The following BCR variants were observed in gnomAD, a reference collection of about 807,000 sequenced individuals.
The protein encoded by BCR is BCR activator of RhoGEF and GTPase, also known as breakpoint cluster region protein.
In BCR, 58 loss-of-function variants were observed where a neutral mutation model predicts 138.6. The ratio of observed to expected loss-of-function variants is 0.42; its 90% CI spans 0.34 to 0.52. The LOEUF (loss-of-function observed/expected upper bound fraction) is 0.52. Among genes scored for constraint, BCR ranks in the 20% least tolerant of loss-of-function variants. BCR has a pLI of 0.06. For synonymous variants in BCR, 786 were observed against 730.1 expected (o/e 1.08, Z -1.23); for missense variants, 1,599 against 1,727.2 (o/e 0.93, Z 1.32).
In BCR at chr22:23,229,343, G is replaced by A. The variant is rs979184852; in HGVS notation, c.1280-24456G>A. Among the ~76,000 whole-genome samples the A allele has an allele frequency of 2.6e-4, 39 of 152,148 alleles. 1 individual carries two copies. In the Middle Eastern group the frequency reaches 0.017, roughly 66 times the overall value. On this transcript the variant is annotated intron_variant, in intron 1 of 22. Coordinates refer to ENST00000305877, the MANE Select transcript of BCR (RefSeq NM_004327.4). ...TAATTCAAACATTTGGGTCATCTTG[G>A]GGTTGATGTTAGTTGATTGCCTTTT... is the stretch of plus-strand genomic sequence containing the variant.
chr22:23,249,605 G>C lies in BCR; in HGVS notation c.1280-4194G>C, dbSNP rs146640889. Among the ~76,000 whole-genome samples, 18 of 151,908 alleles carry C rather than the reference G, an allele frequency of 1.2e-4. 1 individual carries two copies. In the East Asian group the frequency reaches 1.9e-3, roughly 16 times the overall value. ...GTCGCTGAAAATAAAATCACGGGTG[G>C]GGGGTGGTGCTTTGTGTACTTAGGG... On this transcript the variant is annotated intron_variant, in intron 1 of 22. Coordinates refer to ENST00000305877, the MANE Select transcript of BCR (RefSeq NM_004327.4).
In BCR at chr22:23,221,165, A is replaced by G. The variant is rs116989910; in HGVS notation, c.1280-32634A>G. On this transcript the variant is annotated intron_variant, in intron 1 of 22. Transcript: ENST00000305877. ...AGTGCATGAGTAATTCATATCCACTATTTGCTCCCTCTTTTACAAATTGGA... is the reference window on the plus strand; with the variant it reads ...AGTGCATGAGTAATTCATATCCACTGTTTGCTCCCTCTTTTACAAATTGGA... Among the ~76,000 whole-genome samples, 24 of 152,274 alleles carry G rather than the reference A, an allele frequency of 1.6e-4. No homozygotes were observed. In the East Asian group the frequency reaches 4.4e-3, roughly 28 times the overall value.
chr22:23,199,362 G>C (rs78593182), intron 1 of BCR: 1 of 513,296 alleles, frequency 1.9e-6, no homozygotes, highest in Admixed American at 2.0e-5. Context: ...TGTGAGCCCC[G>C]CGGTTGCTTA....
chr22:23,243,905 T>C (rs1400680861), intron 1 of BCR, among the ~76,000 whole-genome samples: 1 of 152,088 alleles, frequency 6.6e-6, no homozygotes, highest in Non-Finnish European at 1.5e-5. Flanking sequence ...CCTCCCAAAG[T>C]TGCTGGGATT....
Position 23,203,614 on chromosome 22 carries a change from C to CAG in BCR, c.1279+21376_1279+21377insGA, listed in dbSNP as rs1402640951. ...GCCCTGAGCTGGGGTCACACTGGTC[C>CAG]ACTCTCTCATTCAGGAAGTTTCCTG... On this transcript the variant is annotated intron_variant, in intron 1 of 22. Coordinates refer to ENST00000305877, the MANE Select transcript of BCR (RefSeq NM_004327.4). 5.1e-4 allele frequency among the ~76,000 whole-genome samples: 77 copies of CAG among 152,238 alleles called. 1 individual carries two copies. Among genetic ancestry groups the CAG allele is most frequent in the Admixed American group, 2.2e-3 (34 of 15,294 alleles).
In BCR at chr22:23,313,845, G is replaced by T. The variant is rs2074034929; in HGVS notation, c.3458-123G>T. On this transcript the variant is annotated intron_variant, in intron 20 of 22. Transcript: ENST00000305877. ...TCCTCAATGGGGGCCAGAGCTGTGAGACTGAGGATGATGACGAGCCTGGGC... is the reference window on the plus strand; with the variant it reads ...TCCTCAATGGGGGCCAGAGCTGTGATACTGAGGATGATGACGAGCCTGGGC... 6 of 845,648 alleles carry T rather than the reference G, an allele frequency of 7.1e-6. No homozygotes were observed. In the East Asian group the frequency reaches 1.2e-4, roughly 17 times the overall value. 52.4% of individuals were successfully genotyped at this position (845,648 alleles called of 1,614,324 possible). A position where few individuals can be genotyped will look rare whatever the true frequency, so the allele number is the denominator to read the frequency against.
At chr22:23,236,275 A>G (rs950234646) in intron 1 of BCR, among the ~76,000 whole-genome samples, 3 of 151,888 alleles carry the variant, frequency 2.0e-5, no homozygotes. Flanking sequence ...TCTCATGGCT[A>G]CCTCCTCCCC....
At chr22:23,195,420 CAAAA>C (rs529306820) in intron 1 of BCR, among the ~76,000 whole-genome samples, 2 of 92,286 alleles carry the variant, frequency 2.2e-5, no homozygotes, top group Admixed American at 1.2e-4. Flanking sequence ...AACTCCGTCT[CAAAA>C]AAAAAAAAAA....
chr22:23,187,647 T>G (rs2072362656), intron 1 of BCR, among the ~76,000 whole-genome samples: 1 of 152,158 alleles, frequency 6.6e-6, no homozygotes, highest in Admixed American at 6.6e-5. Context: ...TCCTTTTTCT[T>G]TTTTTCCCCC....
intron 1 of BCR, among the ~76,000 whole-genome samples, chr22:23,206,189 T>C (rs2072610845): frequency 6.6e-6 from 1 of 152,210 alleles, no homozygotes; most frequent in Non-Finnish European, 1.5e-5. Flanking sequence ...GGCCATGAGC[T>C]AATAATCGTT....
Position 23,295,142 on chromosome 22 carries a change from A to G in BCR, c.2999A>G (p.Lys1000Arg), listed in dbSNP as rs748209491. ...DGESTDRLMG[K>R]GQVQLDPQAL... ...GAGAGCACGGACAGACTCATGGGGA[A>G]GGGCCAGGTCCAGGTGAGGCAGCCA... Residue 1000 changes from lysine to arginine, a missense_variant, in exon 16 of 23, where the codon AAG (lysine) becomes AGG (arginine). Around this residue, in one of 4 missense-constraint regions of BCR, gnomAD observed 590 missense variants for 762.4 expected, o/e 0.77. Coordinates refer to ENST00000305877, the MANE Select transcript of BCR (RefSeq NM_004327.4). 1.6e-5 allele frequency: 26 copies of G among 1,611,472 alleles called. No individual in the cohort carries two copies. The highest frequency in any genetic ancestry group is 5.3e-5 in the African/African-American group (4 of 74,814).
At chr22:23,210,422 GAAAAAA>G (rs1050301471) in intron 1 of BCR, among the ~76,000 whole-genome samples, 1 of 101,824 alleles carries the variant, frequency 9.8e-6, no homozygotes, top group Admixed American at 1.0e-4. Flanking sequence ...GTCTCAAAAA[GAAAAAA>G]AAAAAAAAAA....
At chr22:23,209,337 G>A (rs1202003896) in intron 1 of BCR, among the ~76,000 whole-genome samples, 1 of 151,652 alleles carries the variant, frequency 6.6e-6, no homozygotes, top group Non-Finnish European at 1.5e-5. Context: ...TCCAGCTTGG[G>A]CTACAGAGTG....
At chr22:23,239,235 G>C (rs550258932) in intron 1 of BCR, among the ~76,000 whole-genome samples, 2 of 152,302 alleles carry the variant, frequency 1.3e-5, no homozygotes, top group East Asian at 3.9e-4. Flanking sequence ...AGGAGGGGCT[G>C]GTTGGCTGGC....
rs1491428150 is a variant in BCR at position 23,180,590 on chromosome 22, GCA to G, written c.-369_-368del. Reference sequence around the variant, plus strand: ...CGAGGAGGCGGCGGCGGCGGCGGCGGCACGGCGGCGGCGGGGCTGTGGGGCGG... The same window carrying G: ...CGAGGAGGCGGCGGCGGCGGCGGCGGCGGCGGCGGCGGGGCTGTGGGGCGG... On this transcript the variant is annotated 5_prime_UTR_variant, in exon 1 of 23. Coordinates refer to ENST00000305877, the MANE Select transcript of BCR (RefSeq NM_004327.4). The G allele has an allele frequency of 0.21, 10,088 of 48,938 alleles. 385 individuals carry two copies. The highest frequency in any genetic ancestry group is 0.47 in the African/African-American group (2,741 of 5,860). 3.0% of individuals were successfully genotyped at this position (48,938 alleles called of 1,614,324 possible). A position where few individuals can be genotyped will look rare whatever the true frequency, so the allele number is the denominator to read the frequency against.
chr22:23,295,013 T>C lies in BCR; in HGVS notation c.2881-11T>C, dbSNP rs2239666. On this transcript the variant is annotated splice_polypyrimidine_tract_variant and intron_variant, in intron 15 of 22. Coordinates refer to ENST00000305877, the MANE Select transcript of BCR (RefSeq NM_004327.4). Reference sequence around the variant, plus strand: ...TTCACACTGGACTTCCCTTCTCCCTTGGGGCTGCAGGAATTTGAGATAGAG... The same window carrying C: ...TTCACACTGGACTTCCCTTCTCCCTCGGGGCTGCAGGAATTTGAGATAGAG... 0.31 allele frequency: 506,914 copies of C among 1,612,824 alleles called. 81,941 individuals carry two copies. Among genetic ancestry groups the C allele is most frequent in the African/African-American group, 0.45 (33,657 of 74,878 alleles).
chr22:23,254,061 C>A, intron 2 of BCR, 81 bp downstream of exon 2: 1 of 1,449,136 alleles, frequency 6.9e-7, no homozygotes, highest in Non-Finnish European at 9.2e-7. Flanking sequence ...GGGTATGTAG[C>A]AGGTAGGTGG....
At chr22:23,251,057 C>G (rs2073221327) in intron 1 of BCR, 1 of 152,256 alleles carries the variant, frequency 6.6e-6, no homozygotes, top group African/African-American at 2.4e-5. Flanking sequence ...CCAGATTCCT[C>G]CATACAGCTT....
At chr22:23,236,724 C>G (rs1301204525) in intron 1 of BCR, among the ~76,000 whole-genome samples, 2 of 152,224 alleles carry the variant, frequency 1.3e-5, no homozygotes, top group Non-Finnish European at 2.9e-5. Context: ...GTCTGTTGCT[C>G]TCCTTGGCAG....
Sources: gnomAD v4.1 joint callset for allele counts (sites outside exome capture counted in the v4.1 genomes callset) on GRCh38, gnomAD v4.1.1 for gene constraint, gnomAD v4.1.1 regional missense constraint, MANE v1.5 for transcripts, NCBI Gene and HGNC (gene_info 2026-07-23, HGNC 2026-07-21) for gene names.